SPATA45: variants seen among roughly 807,000 people sequenced by gnomAD.
SPATA45 encodes spermatogenesis associated 45, also known as spermatogenesis-associated protein 45.
A neutral mutation model predicts 7.0 loss-of-function variants in SPATA45; 5 were observed. That is an observed-to-expected ratio of 0.71 (90% CI 0.37 to 1.50). The LOEUF is 1.50. Among genes scored for constraint, SPATA45 ranks in the 40% most tolerant of loss-of-function variants. SPATA45 has a pLI of 0.03. For synonymous variants in SPATA45, 40 were observed against 38.7 expected (o/e 1.03, Z -0.13); for missense variants, 111 against 114.9 (o/e 0.97, Z 0.16).
At chr1:212,845,852 T>A (rs1419780564) in intron 1 of SPATA45, among the ~76,000 whole-genome samples, 3 of 152,134 alleles carry the variant, frequency 2.0e-5, no homozygotes, top group Non-Finnish European at 4.4e-5. Context: ...GGCCTCCACT[T>A]ATTCACTGCT....
At chr1:212,836,305 A>C in intron 1 of SPATA45, 118 bp from the exon 2 acceptor site, 1 of 739,658 alleles carries the variant, frequency 1.4e-6, no homozygotes, top group African/African-American at 1.8e-5. Context: ...AACCACCACC[A>C]AGCCTCCCAC....
chr1:212,843,046 G>A (rs1215656601), intron 1 of SPATA45, among the ~76,000 whole-genome samples: 2 of 151,302 alleles, frequency 1.3e-5, no homozygotes, highest in South Asian at 2.1e-4. Context: ...GCAGCGAGCC[G>A]AGATTGCACC....
At chr1:212,834,200 G>T (rs7556142) in intron 2 of SPATA45, among the ~76,000 whole-genome samples, 1 of 151,712 alleles carries the variant, frequency 6.6e-6, no homozygotes, top group African/African-American at 2.4e-5. Flanking sequence ...CCACATCAAA[G>T]AATTGAAATC....
intron 2 of SPATA45, among the ~76,000 whole-genome samples, chr1:212,830,522 A>G (rs1663466720): frequency 6.7e-6 from 1 of 148,152 alleles, no homozygotes; most frequent in Non-Finnish European, 1.5e-5. Context: ...AAATACAAAA[A>G]TTAGCCGGGC....
intron 2 of SPATA45, among the ~76,000 whole-genome samples, chr1:212,830,672 CAA>C (rs35293333): frequency 9.9e-4 from 134 of 135,546 alleles, no homozygotes; most frequent in Admixed American, 1.2e-3. Context: ...ACTCCGACTC[CAA>C]AAAAAAAAAA....
At chr1:212,836,904 G>A (rs12087548) in intron 1 of SPATA45, among the ~76,000 whole-genome samples, 1 of 148,538 alleles carries the variant, frequency 6.7e-6, no homozygotes, top group Non-Finnish European at 1.5e-5. Flanking sequence ...TGATCCACCC[G>A]CCTCGGCCTC....
chr1:212,843,758 A>G (rs1229512220), intron 1 of SPATA45, among the ~76,000 whole-genome samples: 1 of 152,178 alleles, frequency 6.6e-6, no homozygotes, highest in African/African-American at 2.4e-5. Flanking sequence ...CAATTTTACA[A>G]TCTCTTAAAT....
intron 1 of SPATA45, among the ~76,000 whole-genome samples, chr1:212,842,806 C>T (rs1663711411): frequency 6.6e-6 from 1 of 151,564 alleles, no homozygotes. Flanking sequence ...AACCCTGTCT[C>T]GGCTGGGCGT....
intron 1 of SPATA45, among the ~76,000 whole-genome samples, chr1:212,840,935 A>G (rs113107176): frequency 2.6e-4 from 39 of 151,658 alleles, no homozygotes; most frequent in African/African-American, 9.4e-4. Flanking sequence ...CACCTTTTAA[A>G]TTCTCTCTCT....
In SPATA45 at chr1:212,836,110, G is replaced by C. The variant is rs760125298; in HGVS notation, c.40C>G (p.His14Asp). 5.6e-6 allele frequency: 9 copies of C among 1,606,260 alleles called. 1 individual carries two copies. Among genetic ancestry groups the C allele is most frequent in the Middle Eastern group, 1.7e-4 (1 of 6,054 alleles). The change falls in exon 2 of 3, where the codon CAT (histidine) becomes GAT (aspartate). Residue 14 changes from histidine (H) to aspartate (D), a missense_variant. Coordinates refer to ENST00000332912, the MANE Select transcript of SPATA45 (RefSeq NM_001024601.3). ...INRTIEIMKK[H>D]GVSKQHLLEE... The stretch of plus-strand genomic sequence containing the variant: ...AGGAGATGTTGTTTGCTTACTCCAT[G>C]TTTTTTCATTATTTCAATGGTTCTG...
chr1:212,841,703 C>T (rs1663688890), intron 1 of SPATA45, among the ~76,000 whole-genome samples: 1 of 146,558 alleles, frequency 6.8e-6, no homozygotes, highest in South Asian at 2.1e-4. Context: ...CACTCCCTCT[C>T]AAAAAAATAA....
At chr1:212,845,707 C>T (rs549231191) in intron 1 of SPATA45, among the ~76,000 whole-genome samples, 16 of 152,238 alleles carry the variant, frequency 1.1e-4, no homozygotes, top group South Asian at 8.3e-4. Flanking sequence ...TTCTGGTTCC[C>T]GTTCTTATGC....
chr1:212,842,200 A>T (rs1375796956), intron 1 of SPATA45, among the ~76,000 whole-genome samples: 2 of 151,708 alleles, frequency 1.3e-5, no homozygotes, highest in Non-Finnish European at 2.9e-5. Flanking sequence ...CAACATGGTG[A>T]AACCCGGTCT....
In SPATA45 at chr1:212,835,857, T is replaced by C; in HGVS notation, c.277+16A>G. On this transcript the variant is annotated intron_variant, in intron 2 of 2. Coordinates refer to ENST00000332912, the MANE Select transcript of SPATA45 (RefSeq NM_001024601.3). ...ATCTCAAAAAAAAAAAAAAAAATCC[T>C]ATGATAACTTCTTACTTTTTGGTGG... is the stretch of plus-strand genomic sequence containing the variant. 1 of 1,555,622 alleles carries C rather than the reference T, an allele frequency of 6.4e-7. No homozygotes were observed. The highest frequency in any genetic ancestry group is 8.7e-7 in the Non-Finnish European group (1 of 1,151,630).
chr1:212,841,631 C>CTTTT (rs5780702), intron 1 of SPATA45, among the ~76,000 whole-genome samples: 251 of 125,082 alleles, frequency 2.0e-3, no homozygotes, highest in Middle Eastern at 4.3e-3. Context: ...AGGTATCTTT[C>CTTTT]TTTTTTTTTT....
rs776020723 is a variant in SPATA45, at chr1:212,835,864, A to G, written c.277+9T>C. 1.9e-6 allele frequency: 3 copies of G among 1,574,896 alleles called. No individual in the cohort carries two copies. Among genetic ancestry groups the G allele is most frequent in the Non-Finnish European group, 2.6e-6 (3 of 1,165,496 alleles). ...AAAAAAAAAAAAAAATCCTATGATA[A>G]CTTCTTACTTTTTGGTGGAAAGTGC... On this transcript the variant is annotated intron_variant, in intron 2 of 2. Transcript: ENST00000332912.
chr1:212,847,489 C>T (rs1663821107), intron 1 of SPATA45, 91 bp downstream of exon 1: 1 of 152,052 alleles, frequency 6.6e-6, no homozygotes, highest in Non-Finnish European at 1.5e-5. Context: ...ATGTTTGTGG[C>T]AACTTTATAG....
intron 2 of SPATA45, among the ~76,000 whole-genome samples, chr1:212,833,480 G>A (rs1490952270): frequency 5.1e-5 from 6 of 117,096 alleles, no homozygotes; most frequent in African/African-American, 1.6e-4. Context: ...CCAACATGAC[G>A]AAACCCCATC....
chr1:212,841,838 G>A lies in SPATA45; in HGVS notation c.-38-5651C>T, dbSNP rs1477244518. 2.6e-5 allele frequency among the ~76,000 whole-genome samples: 4 copies of A among 151,934 alleles called. No individual in the cohort carries two copies. The East Asian group carries it at 7.8e-4, about 30-fold the overall frequency. ...AGTGGCGTGATCTTGGCTCACTACAGCCTCTGCCTCCTGGGTTCAAGAGGT... is the reference window on the plus strand; with the variant it reads ...AGTGGCGTGATCTTGGCTCACTACAACCTCTGCCTCCTGGGTTCAAGAGGT... On this transcript the variant is annotated intron_variant, in intron 1 of 2. Transcript: ENST00000332912.
Sources: gnomAD v4.1 joint callset for allele counts (sites outside exome capture counted in the v4.1 genomes callset) on GRCh38, gnomAD v4.1.1 for gene constraint, MANE v1.5 for transcripts, NCBI Gene and HGNC (gene_info 2026-07-23, HGNC 2026-07-21) for gene names.